The following NMUR1 variants were observed in gnomAD, a reference collection of about 807,000 sequenced individuals.
NMUR1 encodes neuromedin U receptor 1, also known as neuromedin-U receptor 1.
NMUR1 carries 16 observed loss-of-function variants against 18.8 expected under a neutral mutation model. The observed-to-expected ratio is 0.85, with a 90% CI of 0.58 to 1.29. The LOEUF (loss-of-function observed/expected upper bound fraction) is 1.29, where lower values mean the gene tolerates loss of function less well. NMUR1 is among the 50% of genes most tolerant of loss of function. NMUR1 has a pLI of 0.00. For synonymous variants in NMUR1, 258 were observed against 258.2 expected, an observed-to-expected ratio of 1.00 and a Z score of 0.01; for missense variants, 529 against 580.3, an observed-to-expected ratio of 0.91 and a Z score of 0.91.
downstream of NMUR1, among the ~76,000 whole-genome samples, chr2:231,519,676 C>G (rs1266814933): frequency 6.6e-6 from 1 of 152,244 alleles, no homozygotes; most frequent in Non-Finnish European, 1.5e-5. Context: ...GGAGTCACAG[C>G]TGGGCAGCCC....
chr2:231,530,400 G>A lies in NMUR1; in HGVS notation c.-39C>T, dbSNP rs1345605054. The A allele has an allele frequency of 6.8e-7, 1 of 1,478,762 alleles. No homozygotes were observed. Among genetic ancestry groups the A allele is most frequent in the Non-Finnish European group, 8.9e-7 (1 of 1,122,014 alleles). The allele number at this position is 1,478,762 out of a possible 1,614,324, so 91.6% of individuals were successfully genotyped here. A position where few individuals can be genotyped will look rare whatever the true frequency, so the allele number is the denominator to read the frequency against. ...CGCGAGACCCCGGCTTCCACCCTCC[G>A]AGCGACGGACACAGACGCGGCGCGG... is the stretch of plus-strand genomic sequence containing the variant. On this transcript the variant is annotated 5_prime_UTR_variant, in exon 1 of 3. Coordinates refer to ENST00000305141, the MANE Select transcript of NMUR1 (RefSeq NM_006056.5).
In NMUR1 at chr2:231,528,647, TA is replaced by T; in HGVS notation, c.373del (p.Tyr125ThrfsTer31). On this transcript the variant is annotated frameshift_variant, in exon 2 of 3. Coordinates refer to ENST00000305141, the MANE Select transcript of NMUR1 (RefSeq NM_006056.5). LOFTEE classifies it high-confidence loss of function. ...PLELYEMWHN[Y>X]PFLLGVGGCY... is the part of the protein sequence containing the mutation. ...GCCACCAACGCCCAGCAGGAAGGGG[TA>T]GTTGTGCCACATCTCATAGAGCTCC... 1 of 1,613,864 alleles carries T rather than the reference TA, an allele frequency of 6.2e-7. No homozygotes were observed. Among genetic ancestry groups the T allele is most frequent in the Non-Finnish European group, 8.5e-7 (1 of 1,179,980 alleles).
At position 231,528,387 on chromosome 2, in the gene NMUR1, G is replaced by C; in HGVS notation, c.634C>G (p.Pro212Ala). 1 of 1,613,734 alleles carries C rather than the reference G, an allele frequency of 6.2e-7. No individual in the cohort carries two copies. The highest frequency in any genetic ancestry group is 8.5e-7 in the Non-Finnish European group (1 of 1,179,956). ...IRQLHVPCRG[P>A]VPDSAVCMLV... Reference sequence around the variant, plus strand: ...ATGCAAACAGCTGAGTCTGGCACTGGGCCCCGGCAGGGCACGTGCAGCTGC... The same window carrying C: ...ATGCAAACAGCTGAGTCTGGCACTGCGCCCCGGCAGGGCACGTGCAGCTGC... The change falls in exon 2 of 3, where the codon CCA (proline) becomes GCA (alanine). Residue 212 changes from proline (P) to alanine (A), a missense_variant. Physicochemically the swap from Pro to Ala is conservative, Grantham distance 27 (BLOSUM62 -1). Transcript: ENST00000305141.
chr2:231,525,054 C>G lies in NMUR1; in HGVS notation c.1270G>C (p.Asp424His). 1 of 1,575,376 alleles carries G rather than the reference C, an allele frequency of 6.3e-7. No individual in the cohort carries two copies. The highest frequency in any genetic ancestry group is 1.2e-5 in the South Asian group (1 of 84,096). The stretch of plus-strand genomic sequence containing the variant: ...CTTTAAGGCTCCACTCAGGATGGAT[C>G]GGTCTCTTGCTGCGCCTCTGGGCCA... The part of the protein sequence containing the change: ...NDGPEAQQET[D>H]PS The change falls in exon 3 of 3, where the codon GAT becomes CAT. Residue 424 changes from aspartate (D) to histidine (H), a missense_variant. Physicochemically the swap from Asp to His is moderately conservative, Grantham distance 81. Transcript: ENST00000305141.
downstream of NMUR1, among the ~76,000 whole-genome samples, chr2:231,521,971 CTCT>C (rs1473883641): frequency 1.3e-5 from 1 of 75,530 alleles, no homozygotes; most frequent in Non-Finnish European, 2.9e-5. Context: ...CTTTTTTTTT[CTCT>C]TTTTTTTTTT....
chr2:231,527,239 T>C (rs2047365134), intron 2 of NMUR1, among the ~76,000 whole-genome samples: 1 of 152,156 alleles, frequency 6.6e-6, no homozygotes, highest in South Asian at 2.1e-4. Context: ...CTTCTTGGGA[T>C]TTTTCACTCA....
Position 231,524,883 on chromosome 2 carries a change from C to T in NMUR1, c.*160G>A, listed in dbSNP as rs1575285840. 1 of 846,634 alleles carries T rather than the reference C, an allele frequency of 1.2e-6. No homozygotes were observed. Among genetic ancestry groups the T allele is most frequent in the Non-Finnish European group, 1.7e-6 (1 of 573,568 alleles). The allele number at this position is 846,634 out of a possible 1,614,324, so 52.4% of individuals were successfully genotyped here. The stretch of plus-strand genomic sequence containing the variant: ...TCCTCAGCAGTCAGGGATCCCTCCT[C>T]CTGCTGTTTCCCTCTGAGGGAAACT... On this transcript the variant is annotated 3_prime_UTR_variant, in exon 3 of 3. Transcript: ENST00000305141.
Position 231,528,267 on chromosome 2 carries a change from G to A in NMUR1, c.754C>T (p.Leu252=), listed in dbSNP as rs767764298. The change falls in exon 2 of 3, where the codon CTG becomes TTG. Residue 252 remains leucine, a synonymous_variant. Transcript: ENST00000305141. The stretch of plus-strand genomic sequence containing the variant: ...CGCCGCAGTCGCAGCCCAATGAGCA[G>A]GTAGAGCACGCTCATGATGGCCATG... ...LPMAIMSVLY[L]LIGLRLRRER... is the part of the protein sequence containing the mutation. The A allele has an allele frequency of 6.2e-7, 1 of 1,614,058 alleles. No homozygotes were observed. The highest frequency in any genetic ancestry group is 1.3e-5 in the African/African-American group (1 of 75,082).
At position 231,528,483 on chromosome 2, in the gene NMUR1, G is replaced by A. The variant is rs141278960; in HGVS notation, c.538C>T (p.Arg180Ter). ...RSMVTRAHVR[R>*]VLGAVWGLAM... ...AGACCCCAGACGGCCCCAAGCACTC[G>A]GCGCACATGGGCCCGCGTCACCATG... Residue 180 changes from arginine (R) to a stop codon, truncating the protein, a stop_gained, in exon 2 of 3, where the codon CGA becomes TGA. Transcript: ENST00000305141. LOFTEE classifies it high-confidence loss of function. 3.1e-6 allele frequency: 5 copies of A among 1,613,498 alleles called. No homozygotes were observed. The highest frequency in any genetic ancestry group is 3.4e-6 in the Non-Finnish European group (4 of 1,180,024).
chr2:231,528,799 G>A lies in NMUR1; in HGVS notation c.222C>T (p.Gly74=), dbSNP rs763598455. Residue 74 remains glycine (G), a synonymous_variant, in exon 2 of 3, where the codon GGC becomes GGT. Coordinates refer to ENST00000305141, the MANE Select transcript of NMUR1 (RefSeq NM_006056.5). ...CATYLLIFVV[G]AVGNGLTCLV... ...GACAGGTCAGCCCATTGCCCACAGC[G>A]CCCACCACGAAGATCAGCAGGTATG... 1.9e-5 allele frequency: 30 copies of A among 1,614,096 alleles called. No individual in the cohort carries two copies. Among genetic ancestry groups the A allele is most frequent in the Middle Eastern group, 1.6e-4 (1 of 6,084 alleles).
rs148134909 is a variant in NMUR1 at position 231,525,257 on chromosome 2, T to C, written c.1067A>G (p.Tyr356Cys). Residue 356 changes from tyrosine (Y) to cysteine (C), a missense_variant, in exon 3 of 3, where the codon TAT becomes TGT. Transcript: ENST00000305141. ...YLGSAANPVL[Y>C]SLMSSRFRET... The stretch of plus-strand genomic sequence containing the variant: ...TCGGAAGCGGCTGGACATGAGGCTA[T>C]AGAGCACGGGGTTGGCCGCCGAGCC... The C allele has an allele frequency of 6.0e-5, 97 of 1,613,998 alleles. No homozygotes were observed. The highest frequency in any genetic ancestry group is 7.0e-5 in the Non-Finnish European group (83 of 1,180,012).
At position 231,523,218 on chromosome 2, in the gene NMUR1, T is replaced by C; in HGVS notation, c.*1825A>G. The C allele has an allele frequency of 2.8e-6, 1 of 359,776 alleles. No individual in the cohort carries two copies. The highest frequency in any genetic ancestry group is 1.3e-4 in the South Asian group (1 of 7,424). 22.3% of individuals were successfully genotyped at this position (359,776 alleles called of 1,614,324 possible). ...GTAAAGTTATGGGTGGTTTTAATTTTTTCTTTCCTTTAGATTTAATCCTCT... is the reference window on the plus strand; with the variant it reads ...GTAAAGTTATGGGTGGTTTTAATTTCTTCTTTCCTTTAGATTTAATCCTCT... On this transcript the variant is annotated 3_prime_UTR_variant, in exon 3 of 3. Coordinates refer to ENST00000305141, the MANE Select transcript of NMUR1 (RefSeq NM_006056.5).
chr2:231,522,008 C>T (rs1378932942), downstream of NMUR1, among the ~76,000 whole-genome samples: 1 of 121,514 alleles, frequency 8.2e-6, no homozygotes, highest in Admixed American at 1.0e-4. Flanking sequence ...GACAGGGCCT[C>T]ACTCCAATTT....
At position 231,528,708 on chromosome 2, in the gene NMUR1, A is replaced by T. The variant is rs1326952754; in HGVS notation, c.313T>A (p.Ser105Thr). 2 of 1,614,254 alleles carry T rather than the reference A, an allele frequency of 1.2e-6. No homozygotes were observed. The highest frequency in any genetic ancestry group is 2.7e-5 in the African/African-American group (2 of 75,076). Residue 105 changes from serine (S) to threonine (T), a missense_variant, in exon 2 of 3, where the codon TCG (serine) becomes ACG (threonine). Transcript: ENST00000305141. Reference sequence around the variant, plus strand: ...CCCACCAGCAGCACCAGCAGGTCCGACACGGCCAGGCTGAAGAGGTAGTAG... The same window carrying T: ...CCCACCAGCAGCACCAGCAGGTCCGTCACGGCCAGGCTGAAGAGGTAGTAG... Reference protein sequence around the residue: ...TNYYLFSLAVSDLLVLLVGLP... With the variant: ...TNYYLFSLAVTDLLVLLVGLP...
chr2:231,530,080 A>T (rs997717745), intron 1 of NMUR1, among the ~76,000 whole-genome samples: 1 of 152,094 alleles, frequency 6.6e-6, no homozygotes, highest in Non-Finnish European at 1.5e-5. Context: ...GCTGCACAGC[A>T]GCGCGGGAGC....
At chr2:231,522,991 A>T (rs1355789646), downstream of NMUR1, among the ~76,000 whole-genome samples, 1 of 152,200 alleles carries the variant, frequency 6.6e-6, no homozygotes, top group Non-Finnish European at 1.5e-5. Context: ...CAGATGGTTT[A>T]TGCAAGTCCT....
At position 231,525,006 on chromosome 2, in the gene NMUR1, T is replaced by G. The variant is rs2125662647; in HGVS notation, c.*37A>C. The G allele has an allele frequency of 6.6e-7, 1 of 1,518,210 alleles. No homozygotes were observed. 94.0% of individuals were successfully genotyped at this position (1,518,210 alleles called of 1,614,324 possible). A position where few individuals can be genotyped will look rare whatever the true frequency, so the allele number is the denominator to read the frequency against. On this transcript the variant is annotated 3_prime_UTR_variant, in exon 3 of 3. Coordinates refer to ENST00000305141, the MANE Select transcript of NMUR1 (RefSeq NM_006056.5). ...GTGTCTCCCCAGCTCCAGGTGACCC[T>G]CTGGCCCCTCCAGGTGAAGCCACTT...
rs1476448193 is a variant in NMUR1 at position 231,528,443 on chromosome 2, G to A, written c.578C>T (p.Ser193Phe). The change falls in exon 2 of 3, where the codon TCC becomes TTC. Residue 193 changes from serine (S) to phenylalanine (F), a missense_variant. By Grantham distance (155) the Ser-to-Phe change is radical (BLOSUM62 -2). Transcript: ENST00000305141. ...GAVWGLAMLC[S>F]LPNTSLHGIR... ...GCCGTGCAGGCTGGTGTTGGGCAGG[G>A]AGCAGAGCATGGCAAGACCCCAGAC... The A allele has an allele frequency of 3.1e-6, 5 of 1,613,570 alleles. No individual in the cohort carries two copies. The African/African-American group carries it at 5.3e-5, about 17-fold the overall frequency.
Position 231,525,136 on chromosome 2 carries a change from G to A in NMUR1, c.1188C>T (p.Ser396=), listed in dbSNP as rs781639497. The change falls in exon 3 of 3, where the codon AGC becomes AGT. Residue 396 remains serine, a synonymous_variant. Transcript: ENST00000305141. ...CCAGGGAGCCCACATCACACAGGGT[G>A]CTGCCTGTGGTCATCCTGCTGAGGC... The part of the protein sequence containing the change: ...SHSLSRMTTG[S]TLCDVGSLGS... The A allele has an allele frequency of 1.2e-6, 2 of 1,613,960 alleles. No homozygotes were observed. The highest frequency in any genetic ancestry group is 2.7e-5 in the African/African-American group (2 of 74,936).
Sources: gnomAD v4.1 joint callset for allele counts (sites outside exome capture counted in the v4.1 genomes callset) on GRCh38, gnomAD v4.1.1 for gene constraint, MANE v1.5 for transcripts, NCBI Gene and HGNC (gene_info 2026-07-23, HGNC 2026-07-21) for gene names.